The following CTDSPL variants were observed in gnomAD, a reference collection of about 807,000 sequenced individuals.
CTDSPL encodes the protein CTD small phosphatase like.
CTDSPL carries 8 observed loss-of-function variants against 30.5 expected under a neutral mutation model. The observed-to-expected ratio is 0.26, with a 90% confidence interval of 0.15 to 0.47. The LOEUF (loss-of-function observed/expected upper bound fraction) is 0.47. Among genes scored for constraint, CTDSPL ranks in the 20% least tolerant of loss-of-function variants. The probability of loss-of-function intolerance (pLI) is 0.99; values close to 1 mark genes in which losing one functional copy is unlikely to be tolerated. For synonymous variants in CTDSPL, 110 were observed against 137.9 expected (o/e 0.80, Z 1.42); for missense variants, 248 against 366.1 (o/e 0.68, Z 2.63).
At chr3:37,900,955 G>A (rs566566866) in intron 1 of CTDSPL, among the ~76,000 whole-genome samples, 13 of 152,062 alleles carry the variant, frequency 8.5e-5, no homozygotes, top group Admixed American at 1.3e-4. Flanking sequence ...ATATCACCAC[G>A]CCGGCTAATT....
At chr3:37,944,645 T>G (rs569702371) in intron 1 of CTDSPL, 1 of 150,326 alleles carries the variant, frequency 6.7e-6, no homozygotes, top group African/African-American at 2.4e-5. Flanking sequence ...TCTAGACCAA[T>G]CCAAGAGTGA....
intron 1 of CTDSPL, among the ~76,000 whole-genome samples, chr3:37,900,554 T>C (rs764984792): frequency 6.6e-6 from 1 of 152,214 alleles, no homozygotes; most frequent in Non-Finnish European, 1.5e-5. Context: ...TTAAAGGAAC[T>C]GTAGAAATCT....
At chr3:37,900,605 A>G (rs1698437992) in intron 1 of CTDSPL, among the ~76,000 whole-genome samples, 1 of 152,180 alleles carries the variant, frequency 6.6e-6, no homozygotes, top group Non-Finnish European at 1.5e-5. Flanking sequence ...CATCCATAAT[A>G]TTGTTAACCA....
intron 1 of CTDSPL, among the ~76,000 whole-genome samples, chr3:37,907,731 A>G (rs909676715): frequency 4.6e-5 from 7 of 152,214 alleles, no homozygotes; most frequent in Admixed American, 6.5e-5. Flanking sequence ...TAATATTTCT[A>G]TAAGTTAAAA....
At chr3:37,976,371 C>T (rs1177077792) in intron 7 of CTDSPL, among the ~76,000 whole-genome samples, 1 of 152,078 alleles carries the variant, frequency 6.6e-6, no homozygotes, top group Non-Finnish European at 1.5e-5. Context: ...GGTGTGGTGG[C>T]TCACACCTGT....
chr3:37,862,351 C>A lies in CTDSPL; in HGVS notation c.79+73C>A, dbSNP rs552355604. The A allele has an allele frequency of 1.2e-5, 16 of 1,297,176 alleles. No individual in the cohort carries two copies. The East Asian group carries it at 2.8e-4, about 23-fold the overall frequency. The allele number at this position is 1,297,176 out of a possible 1,614,324, so 80.4% of individuals were successfully genotyped here. On this transcript the variant is annotated intron_variant, in intron 1 of 7. Transcript: ENST00000273179. This position sits in a 1 kb window ranked among gnomAD's most constrained non-coding sequence, Gnocchi z 4.3. Reference sequence around the variant, plus strand: ...CGCGCCGCTGGAGTTCACTGCCGGGCGCCGGCATGGGCCTGGGGGAGGGGT... The same window carrying A: ...CGCGCCGCTGGAGTTCACTGCCGGGAGCCGGCATGGGCCTGGGGGAGGGGT...
rs1280879944 is a variant in CTDSPL, at chr3:37,983,928, C to T, written c.*3061C>T. 4.6e-6 allele frequency: 1 copy of T among 215,296 alleles called. No individual in the cohort carries two copies. Among genetic ancestry groups the T allele is most frequent in the East Asian group, 9.6e-5 (1 of 10,464 alleles). The allele number at this position is 215,296 out of a possible 1,614,324, so 13.3% of individuals were successfully genotyped here. ...CACGAGGATGCCCTAATGATGCTGA[C>T]TTGTCATGGTTGCAGCATTTGAACT... On this transcript the variant is annotated 3_prime_UTR_variant, in exon 8 of 8. Coordinates refer to ENST00000273179, the MANE Select transcript of CTDSPL (RefSeq NM_001008392.2).
chr3:37,980,144 C>T (rs566236107), intron 7 of CTDSPL, among the ~76,000 whole-genome samples: 1 of 152,174 alleles, frequency 6.6e-6, no homozygotes, highest in African/African-American at 2.4e-5. Context: ...GGCTACCACC[C>T]CTCCCCACTC....
At chr3:37,953,358 CACTCAGAAA>C (rs139933498) in intron 2 of CTDSPL, among the ~76,000 whole-genome samples, 1,755 of 152,274 alleles carry the variant, frequency 0.012, 31 homozygotes, top group African/African-American at 0.039. Context: ...TTAAAGTTTT[CACTCAGAAA>C]ACTCAGAAAA....
At chr3:37,873,834 G>A (rs1260062484) in intron 1 of CTDSPL, among the ~76,000 whole-genome samples, 1 of 152,208 alleles carries the variant, frequency 6.6e-6, no homozygotes, top group Non-Finnish European at 1.5e-5. Flanking sequence ...GATCAGTAGG[G>A]CATCAGTGAC....
At chr3:37,878,517 T>A (rs1698164327) in intron 1 of CTDSPL, among the ~76,000 whole-genome samples, 1 of 152,252 alleles carries the variant, frequency 6.6e-6, no homozygotes, top group South Asian at 2.1e-4. Flanking sequence ...TTCTGGATTC[T>A]AATCTCTCCT....
At chr3:37,880,862 A>G (rs1312998294) in intron 1 of CTDSPL, among the ~76,000 whole-genome samples, 1 of 152,182 alleles carries the variant, frequency 6.6e-6, no homozygotes, top group Non-Finnish European at 1.5e-5. Flanking sequence ...AAACTACTTT[A>G]GATAGAAAGG....
chr3:37,954,860 ACT>A (rs1292867976), intron 2 of CTDSPL: 1 of 152,272 alleles, frequency 6.6e-6, no homozygotes, highest in African/African-American at 2.4e-5. Context: ...ATTGCTGGAC[ACT>A]CACAAATATA....
chr3:37,874,985 C>T (rs1280923268), intron 1 of CTDSPL, among the ~76,000 whole-genome samples: 1 of 152,152 alleles, frequency 6.6e-6, no homozygotes, highest in Admixed American at 6.5e-5. Flanking sequence ...TCTTAAAAAT[C>T]CACTACCTTT....
At position 37,975,862 on chromosome 3, in the gene CTDSPL, C is replaced by G; in HGVS notation, c.673C>G (p.Pro225Ala). 6.2e-7 allele frequency: 1 copy of G among 1,614,116 alleles called. No homozygotes were observed. Among genetic ancestry groups the G allele is most frequent in the Non-Finnish European group, 8.5e-7 (1 of 1,179,994 alleles). The change falls in exon 7 of 8, where the codon CCT becomes GCT. Residue 225 changes from proline (P) to alanine (A), a missense_variant. Physicochemically the swap from Pro to Ala is conservative, Grantham distance 27 (BLOSUM62 -1). Coordinates refer to ENST00000273179, the MANE Select transcript of CTDSPL (RefSeq NM_001008392.2). The surrounding 1 kb of genome is among the most constrained non-coding windows in gnomAD (Gnocchi z 4.9). ...CAAAGTGATCATTGTTGACAATTCC[C>G]CTGCCTCATACATCTTCCATCCTGA... ...LSKVIIVDNS[P>A]ASYIFHPENA...
chr3:37,968,355 C>T, intron 5 of CTDSPL: 1 of 388,928 alleles, frequency 2.6e-6, no homozygotes. Flanking sequence ...CAAATACCCA[C>T]CCCAAAAGAA....
rs2125638624 is a variant in CTDSPL, at chr3:37,983,448, T to A, written c.*2581T>A. On this transcript the variant is annotated 3_prime_UTR_variant, in exon 8 of 8. Coordinates refer to ENST00000273179, the MANE Select transcript of CTDSPL (RefSeq NM_001008392.2). ...TTTTTAATTATTACCATGTATTAAA[T>A]TGTGGGCTTTGAAACCTAATGAAAC... 6.5e-6 allele frequency: 1 copy of A among 152,782 alleles called. No individual in the cohort carries two copies. Among genetic ancestry groups the A allele is most frequent in the Middle Eastern group, 3.4e-3 (1 of 294 alleles). 9.5% of individuals were successfully genotyped at this position (152,782 alleles called of 1,614,324 possible).
intron 1 of CTDSPL, among the ~76,000 whole-genome samples, chr3:37,869,089 G>A (rs1698044523): frequency 6.6e-6 from 1 of 152,024 alleles, no homozygotes; most frequent in Non-Finnish European, 1.5e-5. Flanking sequence ...TAGGCTTTCA[G>A]CATACAAGTC....
Position 37,862,541 on chromosome 3 carries a change from C to T in CTDSPL, c.79+263C>T, listed in dbSNP as rs1559618816. Among the ~76,000 whole-genome samples, 1 of 152,088 alleles carries T rather than the reference C, an allele frequency of 6.6e-6. No individual in the cohort carries two copies. Among genetic ancestry groups the T allele is most frequent in the South Asian group, 2.1e-4 (1 of 4,830 alleles). Reference sequence around the variant, plus strand: ...GGGAGGTTGTGAGTTTGTGTGCGCGCACGCCCGCAGAGAAGTTGTGAGCCT... The same window carrying T: ...GGGAGGTTGTGAGTTTGTGTGCGCGTACGCCCGCAGAGAAGTTGTGAGCCT... On this transcript the variant is annotated intron_variant, in intron 1 of 7. Transcript: ENST00000273179. The surrounding 1 kb of genome is among the most constrained non-coding windows in gnomAD (Gnocchi z 4.3).
Sources: gnomAD v4.1 joint callset for allele counts (sites outside exome capture counted in the v4.1 genomes callset) on GRCh38, gnomAD v4.1.1 for gene constraint, Gnocchi (gnomAD v3.1) non-coding constraint, MANE v1.5 for transcripts, NCBI Gene and HGNC (gene_info 2026-07-23, HGNC 2026-07-21) for gene names.